Variants in DNAH9 observed in about 807,000 individuals in gnomAD.
The protein encoded by DNAH9 is DNAH9 variant protein.
A neutral mutation model predicts 471.6 loss-of-function variants in DNAH9; 345 were observed. The observed-to-expected ratio is 0.73, with a 90% CI of 0.67 to 0.80. The LOEUF is 0.80. Ranked by LOEUF, DNAH9 falls within the 30% of genes least tolerant of loss-of-function variation. The pLI, the probability that DNAH9 is intolerant of heterozygous loss-of-function variation, is 0.00. For missense variants in DNAH9, 5,407 were observed against 5,609.2 expected, an observed-to-expected ratio of 0.96 and a Z score of 1.15; for synonymous variants, 2,093 against 2,123.6, an observed-to-expected ratio of 0.99 and a Z score of 0.40.
rs779273973 is a variant in DNAH9 at position 11,610,461 on chromosome 17, A to G, written c.680A>G (p.Gln227Arg). The change falls in exon 3 of 69, where the codon CAA (glutamine) becomes CGA (arginine). Residue 227 changes from glutamine to arginine, a missense_variant. Gln to Arg is a conservative substitution (Grantham distance 43, BLOSUM62 1). Transcript: ENST00000262442. ...TCTGCAGTGATCAAATGGAGCTACC[A>G]AGTCCAGGTGGTACTCAAGAGAGAG... The part of the protein sequence containing the change: ...IESAVIKWSY[Q>R]VQVVLKRESS... 3 of 1,613,706 alleles carry G rather than the reference A, an allele frequency of 1.9e-6. No homozygotes were observed. The highest frequency in any genetic ancestry group is 2.5e-6 in the Non-Finnish European group (3 of 1,179,860).
At chr17:11,824,013 A>G (rs144193997) in intron 48 of DNAH9, among the ~76,000 whole-genome samples, 1 of 152,098 alleles carries the variant, frequency 6.6e-6, no homozygotes, top group Non-Finnish European at 1.5e-5. Context: ...TACTTCTCCA[A>G]ATGGAACAGG....
chr17:11,906,541 C>T (rs761278907), intron 61 of DNAH9, among the ~76,000 whole-genome samples: 4 of 150,886 alleles, frequency 2.7e-5, no homozygotes, highest in Admixed American at 6.6e-5. Flanking sequence ...GCAGGAGAAT[C>T]GCTGGAACCT....
At chr17:11,927,326 T>C (rs118126262) in intron 62 of DNAH9, among the ~76,000 whole-genome samples, 2,457 of 152,328 alleles carry the variant, frequency 0.016, 30 homozygotes, top group Non-Finnish European at 0.023. Context: ...TCATAAAATC[T>C]TTGCCCATGC....
intron 27 of DNAH9, among the ~76,000 whole-genome samples, chr17:11,720,390 C>G (rs2150803343): frequency 6.6e-6 from 1 of 151,978 alleles, no homozygotes; most frequent in South Asian, 2.1e-4. Context: ...TAATGCTATC[C>G]CTCCCCGCTT....
intron 50 of DNAH9, among the ~76,000 whole-genome samples, chr17:11,860,912 C>G (rs1337949376): frequency 6.6e-6 from 1 of 152,074 alleles, no homozygotes; most frequent in Admixed American, 6.6e-5. Flanking sequence ...CGTGGACAGT[C>G]AATGTCTTGT....
chr17:11,922,220 A>G (rs1357036942), intron 61 of DNAH9, among the ~76,000 whole-genome samples: 1 of 152,230 alleles, frequency 6.6e-6, no homozygotes, highest in Non-Finnish European at 1.5e-5. Context: ...GAAATATTCA[A>G]TATGAACACT....
intron 49 of DNAH9, among the ~76,000 whole-genome samples, chr17:11,838,320 G>A (rs538100438): frequency 3.9e-4 from 59 of 152,322 alleles, no homozygotes; most frequent in Admixed American, 1.6e-3. Context: ...CATGAAATGG[G>A]CATGTGTTTT....
chr17:11,710,624 TCTC>T (rs1474435604), intron 26 of DNAH9, among the ~76,000 whole-genome samples: 1 of 152,222 alleles, frequency 6.6e-6, no homozygotes, highest in East Asian at 1.9e-4. Flanking sequence ...TAGATTTTCT[TCTC>T]CTGTTAATTA....
rs150248048 is a variant in DNAH9, at chr17:11,886,693, T to C, written c.10972-132T>C. On this transcript the variant is annotated intron_variant, in intron 56 of 68. Coordinates refer to ENST00000262442, the MANE Select transcript of DNAH9 (RefSeq NM_001372.4). ...ATACCATAGTAGCTTTTCAACTTTC[T>C]ACCCATCATCCCCATCCCTCTTCAC... The C allele has an allele frequency of 1.6e-4, 183 of 1,151,424 alleles. 2 individuals are homozygous for C. The African/African-American group carries it at 2.7e-3, about 17-fold the overall frequency. The allele number at this position is 1,151,424 out of a possible 1,614,324, so 71.3% of individuals were successfully genotyped here.
chr17:11,752,738 C>A, intron 32 of DNAH9, 95 bp from the exon 33 acceptor site: 1 of 980,690 alleles, frequency 1.0e-6, no homozygotes, highest in East Asian at 2.7e-5. Context: ...ATGTACGCCC[C>A]CTTCTGTGTG....
At chr17:11,642,025 G>A (rs2073283506) in intron 10 of DNAH9, among the ~76,000 whole-genome samples, 3 of 152,108 alleles carry the variant, frequency 2.0e-5, no homozygotes, top group African/African-American at 7.2e-5. Context: ...CTTTGGGTGA[G>A]GCAGCTCTCT....
chr17:11,779,385 A>G (rs1337298650), intron 38 of DNAH9, among the ~76,000 whole-genome samples: 1 of 152,094 alleles, frequency 6.6e-6, no homozygotes, highest in Non-Finnish European at 1.5e-5. Flanking sequence ...CTGTAATTCC[A>G]TCCTAGGTGT....
intron 9 of DNAH9, among the ~76,000 whole-genome samples, chr17:11,638,252 C>T (rs935042078): frequency 1.1e-4 from 16 of 152,152 alleles, no homozygotes; most frequent in Non-Finnish European, 1.9e-4. Context: ...GTTGGCCAAG[C>T]TTTATGTGGG....
intron 66 of DNAH9, among the ~76,000 whole-genome samples, chr17:11,938,469 AC>A (rs57400535): frequency 0.14 from 19,747 of 136,366 alleles, 1,575 homozygotes; most frequent in Middle Eastern, 0.19. Flanking sequence ...AAAAAAAAAA[AC>A]AAAAAAAGAA....
Position 11,745,010 on chromosome 17 carries a change from C to G in DNAH9, c.6325C>G (p.Pro2109Ala). The change falls in exon 31 of 69, where the codon CCC becomes GCC. Residue 2109 changes from proline to alanine, a missense_variant. Transcript: ENST00000262442. Reference protein sequence around the residue: ...PALDVPRRRDPNFEALVRKAI... With the variant: ...PALDVPRRRDANFEALVRKAI... ...CCTGGATGTCCCCCGGAGGAGAGAC[C>G]CCAACTTCGAAGCTTTGGTTAGGAA... The G allele has an allele frequency of 6.2e-7, 1 of 1,614,044 alleles. No homozygotes were observed. Among genetic ancestry groups the G allele is most frequent in the Non-Finnish European group, 8.5e-7 (1 of 1,179,950 alleles).
chr17:11,717,636 G>A (rs368773655), intron 26 of DNAH9, among the ~76,000 whole-genome samples: 1 of 152,256 alleles, frequency 6.6e-6, no homozygotes, highest in East Asian at 1.9e-4. Flanking sequence ...CTTTATTGAG[G>A]TATTGAGGCA....
intron 1 of DNAH9, among the ~76,000 whole-genome samples, chr17:11,606,518 G>A (rs1700415753): frequency 7.9e-6 from 1 of 126,264 alleles, no homozygotes. Context: ...GTGCAATCTC[G>A]GCTCACTGCA....
chr17:11,963,396 T>G (rs1055825484), intron 68 of DNAH9, among the ~76,000 whole-genome samples: 1 of 151,068 alleles, frequency 6.6e-6, no homozygotes. Context: ...ATCGCACCAT[T>G]GCATTCCAGC....
At chr17:11,715,859 G>T (rs1319884914) in intron 26 of DNAH9, among the ~76,000 whole-genome samples, 1 of 152,092 alleles carries the variant, frequency 6.6e-6, no homozygotes, top group Non-Finnish European at 1.5e-5. Flanking sequence ...CAGAGTCAGT[G>T]CCTGAAACAG....
Sources: gnomAD v4.1 joint callset for allele counts (sites outside exome capture counted in the v4.1 genomes callset) on GRCh38, gnomAD v4.1.1 for gene constraint, MANE v1.5 for transcripts, NCBI Gene and HGNC (gene_info 2026-07-23, HGNC 2026-07-21) for gene names.